C12orf43: variants seen among roughly 807,000 people sequenced by gnomAD.
C12orf43 encodes protein CUSTOS.
A neutral mutation model predicts 20.6 loss-of-function variants in C12orf43; 15 were observed. The observed-to-expected ratio is 0.73, with a 90% CI of 0.49 to 1.12. The LOEUF (loss-of-function observed/expected upper bound fraction) is 1.12. Among genes scored for constraint, C12orf43 ranks in the 50% most tolerant of loss-of-function variants. The pLI, the probability that C12orf43 is intolerant of heterozygous loss-of-function variation, is 0.00. For synonymous variants in C12orf43, 144 were observed against 130.8 expected (o/e 1.10, Z -0.69); for missense variants, 334 against 344.4 (o/e 0.97, Z 0.24).
At position 121,000,861 on chromosome 12, in the gene C12orf43, G is replaced by A; in HGVS notation, c.*3292C>T. ...AGTGTTCACACTAAGATGTACTCAG[G>A]CCACTCCATGGGCGGCCGTGGACCC... On this transcript the variant is annotated 3_prime_UTR_variant, in exon 6 of 6. Transcript: ENST00000288757. 1.5e-6 allele frequency: 1 copy of A among 649,038 alleles called. No homozygotes were observed. The highest frequency in any genetic ancestry group is 2.7e-6 in the Non-Finnish European group (1 of 365,342). The allele number at this position is 649,038 out of a possible 1,614,324, so 40.2% of individuals were successfully genotyped here.
At chr12:121,009,838 G>C (rs1003363603) in intron 3 of C12orf43, among the ~76,000 whole-genome samples, 9 of 152,192 alleles carry the variant, frequency 5.9e-5, no homozygotes, top group African/African-American at 2.2e-4. Context: ...CTTACCGACT[G>C]GGTTATCAAC....
chr12:121,015,705 G>C (rs1309127462), intron 1 of C12orf43, among the ~76,000 whole-genome samples: 1 of 152,178 alleles, frequency 6.6e-6, no homozygotes, highest in Non-Finnish European at 1.5e-5. Context: ...ATTGTAATGA[G>C]ATATGAAAAT....
chr12:121,012,661 G>A (rs181188723), intron 1 of C12orf43: 564 of 492,976 alleles, frequency 1.1e-3, no homozygotes, highest in Non-Finnish European at 1.8e-3. Flanking sequence ...GACCATCCTG[G>A]TCAACATGGT....
chr12:121,016,155 A>G, intron 1 of C12orf43, 175 bp downstream of exon 1: 2 of 977,288 alleles, frequency 2.0e-6, no homozygotes, highest in South Asian at 2.7e-5. Context: ...GGAATAATGA[A>G]ATACCCTCCC....
Position 121,012,434 on chromosome 12 carries a change from G to A in C12orf43, c.146-1288C>T, listed in dbSNP as rs775445738. 9 of 702,528 alleles carry A rather than the reference G, an allele frequency of 1.3e-5. No homozygotes were observed. In the South Asian group the frequency reaches 1.3e-4, roughly 10 times the overall value. 43.5% of individuals were successfully genotyped at this position (702,528 alleles called of 1,614,324 possible). The stretch of plus-strand genomic sequence containing the variant: ...AGAGAAGGGACATAAACTGACCTGG[G>A]TTTTGACAGAACATCTTTGGCTGCT... On this transcript the variant is annotated intron_variant, in intron 1 of 5. Coordinates refer to ENST00000288757, the MANE Select transcript of C12orf43 (RefSeq NM_022895.3).
intron 1 of C12orf43, among the ~76,000 whole-genome samples, chr12:121,015,677 A>G (rs1306253134): frequency 6.6e-6 from 1 of 152,220 alleles, no homozygotes; most frequent in Non-Finnish European, 1.5e-5. Context: ...TGATATATTG[A>G]TATCTGTATC....
At position 121,003,451 on chromosome 12, in the gene C12orf43, G is replaced by A. The variant is rs1383300193; in HGVS notation, c.*702C>T. 1 of 152,198 alleles carries A rather than the reference G, an allele frequency of 6.6e-6. No individual in the cohort carries two copies. The highest frequency in any genetic ancestry group is 2.4e-5 in the African/African-American group (1 of 41,416). The allele number at this position is 152,198 out of a possible 1,614,324, so 9.4% of individuals were successfully genotyped here. A position where few individuals can be genotyped will look rare whatever the true frequency, so the allele number is the denominator to read the frequency against. On this transcript the variant is annotated 3_prime_UTR_variant, in exon 6 of 6. Coordinates refer to ENST00000288757, the MANE Select transcript of C12orf43 (RefSeq NM_022895.3). ...CTGGGGGTGTAGAGAGGAGGAGGAT[G>A]TTTACTTAAAATGTCTTAAGGTTCA...
chr12:121,006,162 G>T, intron 4 of C12orf43, 159 bp downstream of exon 4: 1 of 625,470 alleles, frequency 1.6e-6, no homozygotes, highest in Non-Finnish European at 2.7e-6. Flanking sequence ...GCTGCATTGA[G>T]CTATAATTGC....
rs1270360250 is a variant in C12orf43, at chr12:121,002,071, C to A, written c.*2082G>T. On this transcript the variant is annotated 3_prime_UTR_variant, in exon 6 of 6. Coordinates refer to ENST00000288757, the MANE Select transcript of C12orf43 (RefSeq NM_022895.3). ...TCCTCTGTCTCGAGCGCCCTGCAGA[C>A]CCTGCCCTTGTTTGGGGCAGGAGTA... 1 of 536,534 alleles carries A rather than the reference C, an allele frequency of 1.9e-6. No individual in the cohort carries two copies. Among genetic ancestry groups the A allele is most frequent in the Non-Finnish European group, 3.6e-6 (1 of 276,588 alleles). The allele number at this position is 536,534 out of a possible 1,614,324, so 33.2% of individuals were successfully genotyped here.
chr12:121,001,923 A>G lies in C12orf43; in HGVS notation c.*2230T>C. On this transcript the variant is annotated 3_prime_UTR_variant, in exon 6 of 6. Coordinates refer to ENST00000288757, the MANE Select transcript of C12orf43 (RefSeq NM_022895.3). ...TCCTGTATTTGTTCCCAAGAGCATC[A>G]TGCCTCTGAGGCCAGCCTGGCCTCC... 1.9e-6 allele frequency: 1 copy of G among 519,466 alleles called. No individual in the cohort carries two copies. The highest frequency in any genetic ancestry group is 1.6e-5 in the South Asian group (1 of 62,650). The allele number at this position is 519,466 out of a possible 1,614,324, so 32.2% of individuals were successfully genotyped here.
At position 121,005,976 on chromosome 12, in the gene C12orf43, G is replaced by A. The variant is rs893722047; in HGVS notation, c.361+345C>T. On this transcript the variant is annotated intron_variant, in intron 4 of 5. Coordinates refer to ENST00000288757, the MANE Select transcript of C12orf43 (RefSeq NM_022895.3). This position sits in a 1 kb window ranked among gnomAD's most constrained non-coding sequence, Gnocchi z 5.6. ...GCACGCCTGTAGTCCCAGAACTTTGGAAGGCTAAGGTGGGCAGATGGCTTG... is the reference window on the plus strand; with the variant it reads ...GCACGCCTGTAGTCCCAGAACTTTGAAAGGCTAAGGTGGGCAGATGGCTTG... The A allele has an allele frequency of 1.5e-5, 3 of 204,436 alleles. No homozygotes were observed. The highest frequency in any genetic ancestry group is 3.0e-5 in the Non-Finnish European group (3 of 101,268). 12.7% of individuals were successfully genotyped at this position (204,436 alleles called of 1,614,324 possible).
rs1877948881 is a variant in C12orf43, at chr12:121,005,566, G to A, written c.362-473C>T. ...AGCAAGCCCTCAGAGGCTTCTGGAA[G>A]TCAGCACTTGAGCTCCTGACCTAAG... On this transcript the variant is annotated intron_variant, in intron 4 of 5. Transcript: ENST00000288757. The surrounding 1 kb of genome is among the most constrained non-coding windows in gnomAD (Gnocchi z 5.6). Among the ~76,000 whole-genome samples, 1 of 152,274 alleles carries A rather than the reference G, an allele frequency of 6.6e-6. No homozygotes were observed. Among genetic ancestry groups the A allele is most frequent in the Non-Finnish European group, 1.5e-5 (1 of 68,048 alleles).
chr12:121,005,176 AAG>A lies in C12orf43; in HGVS notation c.362-85_362-84del, dbSNP rs1388695450. Reference sequence around the variant, plus strand: ...AAAAATAAAAAATAAAGAAACAAAAAAGAAAAAAATTTTAAAAAGGAAAACGA... The same window carrying A: ...AAAAATAAAAAATAAAGAAACAAAAAAAAAAAATTTTAAAAAGGAAAACGA... On this transcript the variant is annotated intron_variant, in intron 4 of 5. Coordinates refer to ENST00000288757, the MANE Select transcript of C12orf43 (RefSeq NM_022895.3). The surrounding 1 kb of genome is among the most constrained non-coding windows in gnomAD (Gnocchi z 5.6). 1.5e-5 allele frequency: 12 copies of A among 821,594 alleles called. No homozygotes were observed. In the East Asian group the frequency reaches 2.0e-4, roughly 14 times the overall value. The allele number at this position is 821,594 out of a possible 1,614,324, so 50.9% of individuals were successfully genotyped here.
Position 121,005,629 on chromosome 12 carries a change from G to C in C12orf43, c.362-536C>G, listed in dbSNP as rs143480796. ...GTGGCAAATGTGTTGGTACAGGACA[G>C]ACGCAGATGGGCGAGGCTGTGGAGG... On this transcript the variant is annotated intron_variant, in intron 4 of 5. Coordinates refer to ENST00000288757, the MANE Select transcript of C12orf43 (RefSeq NM_022895.3). This position sits in a 1 kb window ranked among gnomAD's most constrained non-coding sequence, Gnocchi z 5.6. Among the ~76,000 whole-genome samples the C allele has an allele frequency of 8.5e-5, 13 of 152,378 alleles. No homozygotes were observed. The highest frequency in any genetic ancestry group is 3.1e-4 in the African/African-American group (13 of 41,590).
chr12:121,014,579 G>A (rs1304646899), intron 1 of C12orf43, among the ~76,000 whole-genome samples: 1 of 135,398 alleles, frequency 7.4e-6, no homozygotes, highest in Non-Finnish European at 1.5e-5. Context: ...GCAGTGAGCT[G>A]AGATCGTGCC....
In C12orf43 at chr12:121,006,409, G is replaced by A. The variant is rs1878026855; in HGVS notation, c.288-15C>T. The A allele has an allele frequency of 1.2e-6, 2 of 1,612,348 alleles. No individual in the cohort carries two copies. The highest frequency in any genetic ancestry group is 2.7e-5 in the African/African-American group (2 of 74,880). The stretch of plus-strand genomic sequence containing the variant: ...TGGTAATGAAGCTACAGGGAGACGA[G>A]ACGGTTGATTTAAGATGAGATTTTT... On this transcript the variant is annotated splice_polypyrimidine_tract_variant and intron_variant, in intron 3 of 5. Transcript: ENST00000288757.
Position 121,004,988 on chromosome 12 carries a change from G to A in C12orf43, c.452+15C>T. On this transcript the variant is annotated intron_variant, in intron 5 of 5. Coordinates refer to ENST00000288757, the MANE Select transcript of C12orf43 (RefSeq NM_022895.3). This position sits in a 1 kb window ranked among gnomAD's most constrained non-coding sequence, Gnocchi z 5.6. ...GAAAAAAGGAGGGGACGTGAGGAGA[G>A]GTGTGAGTTCTCACCTGGAGCTGGA... 3 of 1,520,150 alleles carry A rather than the reference G, an allele frequency of 2.0e-6. No individual in the cohort carries two copies. Among genetic ancestry groups the A allele is most frequent in the East Asian group, 2.4e-5 (1 of 41,968 alleles). 94.2% of individuals were successfully genotyped at this position (1,520,150 alleles called of 1,614,324 possible). A position where few individuals can be genotyped will look rare whatever the true frequency, so the allele number is the denominator to read the frequency against.
At position 121,004,938 on chromosome 12, in the gene C12orf43, G is replaced by T; in HGVS notation, c.452+65C>A. On this transcript the variant is annotated intron_variant, in intron 5 of 5. Transcript: ENST00000288757. The surrounding 1 kb of genome is among the most constrained non-coding windows in gnomAD (Gnocchi z 5.6). ...GACTGGAGTCTGCTTGGCTATTCCA[G>T]GGAACCCACCAAGACAGAAGAGGAG... 8.1e-7 allele frequency: 1 copy of T among 1,239,830 alleles called. No homozygotes were observed. Among genetic ancestry groups the T allele is most frequent in the South Asian group, 1.9e-5 (1 of 53,002 alleles). The allele number at this position is 1,239,830 out of a possible 1,614,324, so 76.8% of individuals were successfully genotyped here.
chr12:121,000,625 A>C lies in C12orf43; in HGVS notation c.*3528T>G. 1 of 230,514 alleles carries C rather than the reference A, an allele frequency of 4.3e-6. No homozygotes were observed. Among genetic ancestry groups the C allele is most frequent in the Non-Finnish European group, 8.7e-6 (1 of 114,884 alleles). 14.3% of individuals were successfully genotyped at this position (230,514 alleles called of 1,614,324 possible). A position where few individuals can be genotyped will look rare whatever the true frequency, so the allele number is the denominator to read the frequency against. ...TTGAGGCAGAATTCCTTCTCTGGGA[A>C]ACCGGTTTTTGCTCTTACGGCCTTC... On this transcript the variant is annotated 3_prime_UTR_variant, in exon 6 of 6. Coordinates refer to ENST00000288757, the MANE Select transcript of C12orf43 (RefSeq NM_022895.3).
Sources: allele counts gnomAD v4.1 joint callset (sites outside exome capture counted in the v4.1 genomes callset), GRCh38; gene constraint gnomAD v4.1.1; non-coding constraint Gnocchi (gnomAD v3.1); transcripts MANE v1.5; gene names NCBI Gene and HGNC (gene_info 2026-07-23, HGNC 2026-07-21).